The following CEP295 variants were observed in gnomAD, a reference collection of about 807,000 sequenced individuals.
The protein encoded by CEP295 is centrosomal protein 295.
In CEP295, 190 loss-of-function variants were observed where a neutral mutation model predicts 291.6. The ratio of observed to expected loss-of-function variants is 0.65; its 90% CI spans 0.58 to 0.73. The LOEUF is 0.73. CEP295 is among the 30% of genes least tolerant of loss of function. CEP295 has a pLI of 0.00. For missense variants in CEP295, 2,863 were observed against 2,949.4 expected, an observed-to-expected ratio of 0.97 and a Z score of 0.68; for synonymous variants, 993 against 1,038.8, an observed-to-expected ratio of 0.96 and a Z score of 0.85.
At chr11:93,682,976 C>A (rs1216917479) in intron 7 of CEP295, among the ~76,000 whole-genome samples, 1 of 152,174 alleles carries the variant, frequency 6.6e-6, no homozygotes, top group Non-Finnish European at 1.5e-5. Flanking sequence ...ACCAAAATTC[C>A]ATTAGATAAC....
chr11:93,683,508 A>G, intron 7 of CEP295, 51 bp from the exon 8 acceptor site: 1 of 1,316,558 alleles, frequency 7.6e-7, no homozygotes, highest in Non-Finnish European at 1.0e-6. Context: ...TGTTAATATT[A>G]CCATACAAAG....
At chr11:93,676,918 G>C (rs116605588) in intron 6 of CEP295, among the ~76,000 whole-genome samples, 1 of 151,804 alleles carries the variant, frequency 6.6e-6, no homozygotes, top group Non-Finnish European at 1.5e-5. Context: ...AAAAAAGTTC[G>C]GGACCACAAA....
At chr11:93,707,656 G>A (rs750404998) in intron 18 of CEP295, among the ~76,000 whole-genome samples, 1 of 152,016 alleles carries the variant, frequency 6.6e-6, no homozygotes, top group Non-Finnish European at 1.5e-5. Flanking sequence ...TAGGGAGGCA[G>A]GAGAATGGCG....
Position 93,698,482 on chromosome 11 carries a change from A to C in CEP295, c.3570A>C (p.Glu1190Asp). ...GAACTCAGGAATTTGTACACACAGA[A>C]AGTGAATTGGAGAAAAGAATTTCTT... ...KEGTQEFVHTESELEKRISSE... is the reference protein window; with the variant it reads ...KEGTQEFVHTDSELEKRISSE... Residue 1190 changes from glutamate (E) to aspartate (D), a missense_variant, in exon 15 of 30, where the codon GAA (glutamate) becomes GAC (aspartate). Around this residue, in one of 3 missense-constraint regions of CEP295, gnomAD observed 2,295 missense variants for 2,335.7 expected, o/e 0.98. Transcript: ENST00000325212. 2 of 1,551,980 alleles carry C rather than the reference A, an allele frequency of 1.3e-6. No homozygotes were observed. The highest frequency in any genetic ancestry group is 1.4e-5 in the African/African-American group (1 of 73,176).
At chr11:93,671,817 A>G (rs548216559) in intron 5 of CEP295, among the ~76,000 whole-genome samples, 2 of 152,290 alleles carry the variant, frequency 1.3e-5, no homozygotes, top group East Asian at 3.9e-4. Flanking sequence ...ATATAGATGC[A>G]TCTGTATCAC....
chr11:93,727,913 A>G (rs1937612420), intron 24 of CEP295: 1 of 268,560 alleles, frequency 3.7e-6, no homozygotes. Context: ...GCAGAAACTT[A>G]AAAATTTGAA....
In CEP295 at chr11:93,727,332, A is replaced by G. The variant is rs1218452314; in HGVS notation, c.6856A>G (p.Lys2286Glu). The G allele has an allele frequency of 3.2e-6, 5 of 1,551,550 alleles. No individual in the cohort carries two copies. In the Admixed American group the frequency reaches 9.8e-5, roughly 30 times the overall value. ...KESMGFEELS[K>E]RGVVTMLQSQ... ...AAGTATGGGCTTTGAAGAACTATCA[A>G]AAAGAGGGGTTGTTACAATGTTACA... Residue 2286 changes from lysine to glutamate, a missense_variant, in exon 24 of 30, where the codon AAA becomes GAA. Around this residue, in one of 3 missense-constraint regions of CEP295, gnomAD observed 2,295 missense variants for 2,335.7 expected, o/e 0.98. Coordinates refer to ENST00000325212, the MANE Select transcript of CEP295 (RefSeq NM_033395.2).
At position 93,706,752 on chromosome 11, in the gene CEP295, AG is replaced by A. The variant is rs1952536296; in HGVS notation, c.5606del (p.Gly1869ValfsTer13). 3.3e-6 allele frequency: 5 copies of A among 1,531,866 alleles called. No homozygotes were observed. In the East Asian group the frequency reaches 1.2e-4, roughly 38 times the overall value. 94.9% of individuals were successfully genotyped at this position (1,531,866 alleles called of 1,614,324 possible). A position where few individuals can be genotyped will look rare whatever the true frequency, so the allele number is the denominator to read the frequency against. ...ATATTTTTTCCCCCCCAGGTAAACC[AG>A]GTATTTATGAAGACAGAGACCCCCT... Reference protein sequence around the residue: ...IGRTSILGKPGIYEDRDPLRV... With the variant: ...IGRTSILGKPXIYEDRDPLRV... On this transcript the variant is annotated frameshift_variant, in exon 18 of 30. Transcript: ENST00000325212. LOFTEE classifies it high-confidence loss of function.
At chr11:93,729,266 C>G in intron 25 of CEP295, 168 bp from the exon 26 acceptor site, 1 of 621,468 alleles carries the variant, frequency 1.6e-6, no homozygotes. Flanking sequence ...AAAACCCAAT[C>G]CCTACAAAAA....
chr11:93,666,918 T>A (rs2134776443), intron 2 of CEP295, 103 bp downstream of exon 2: 1 of 652,250 alleles, frequency 1.5e-6, no homozygotes, highest in East Asian at 2.8e-5. Flanking sequence ...AAACCTCTTC[T>A]GGGTATACGA....
In CEP295 at chr11:93,683,608, T is replaced by A. The variant is rs1297416259; in HGVS notation, c.815T>A (p.Leu272Gln). Reference protein sequence around the residue: ...KELKQLQQEDLARRRQTVAQM... With the variant: ...KELKQLQQEDQARRRQTVAQM... ...CTCAAACAGCTACAGCAAGAGGACC[T>A]GGCACGTAGGAGACAGACTGTAGCA... Residue 272 changes from leucine to glutamine, a missense_variant, in exon 8 of 30, where the codon CTG becomes CAG. Coordinates refer to ENST00000325212, the MANE Select transcript of CEP295 (RefSeq NM_033395.2). The A allele has an allele frequency of 5.8e-6, 9 of 1,541,842 alleles. No homozygotes were observed. The highest frequency in any genetic ancestry group is 2.1e-5 in the Admixed American group (1 of 47,548).
At position 93,692,426 on chromosome 11, in the gene CEP295, A is replaced by G. The variant is rs114755268; in HGVS notation, c.1533+396A>G. 8.3e-3 allele frequency among the ~76,000 whole-genome samples: 1,265 copies of G among 152,318 alleles called. 25 individuals are homozygous for G. Among genetic ancestry groups the G allele is most frequent in the African/African-American group, 0.029 (1,202 of 41,572 alleles). On this transcript the variant is annotated intron_variant, in intron 12 of 29. Coordinates refer to ENST00000325212, the MANE Select transcript of CEP295 (RefSeq NM_033395.2). ...ATTAGACACTCAGATGGGCTTTGTAATCCCACAAGTTTTTTGAAAAATAAT... is the reference window on the plus strand; with the variant it reads ...ATTAGACACTCAGATGGGCTTTGTAGTCCCACAAGTTTTTTGAAAAATAAT...
intron 18 of CEP295, among the ~76,000 whole-genome samples, chr11:93,715,640 A>G (rs1369397839): frequency 1.3e-5 from 2 of 152,008 alleles, no homozygotes; most frequent in East Asian, 1.9e-4. Flanking sequence ...CCTAAGGCCC[A>G]TGGCATATAC....
chr11:93,727,919 T>C (rs942903703), intron 24 of CEP295: 2 of 259,200 alleles, frequency 7.7e-6, no homozygotes, highest in East Asian at 7.4e-5. Context: ...ACTTAAAAAT[T>C]TGAAAACTGT....
At chr11:93,694,934 A>G (rs561880087) in intron 12 of CEP295, among the ~76,000 whole-genome samples, 6 of 152,294 alleles carry the variant, frequency 3.9e-5, no homozygotes, top group South Asian at 2.1e-4. Flanking sequence ...AAACATGTTC[A>G]TATTACTTAG....
intron 17 of CEP295, among the ~76,000 whole-genome samples, chr11:93,705,199 T>C (rs1014139755): frequency 6.6e-6 from 1 of 152,200 alleles, no homozygotes; most frequent in Non-Finnish European, 1.5e-5. Context: ...TGGGCCGTGC[T>C]ATGCATTCTT....
chr11:93,699,678 T>A lies in CEP295; in HGVS notation c.4766T>A (p.Leu1589His). 2 of 1,551,508 alleles carry A rather than the reference T, an allele frequency of 1.3e-6. No homozygotes were observed. The highest frequency in any genetic ancestry group is 8.7e-7 in the Non-Finnish European group (1 of 1,147,014). The change falls in exon 15 of 30, where the codon CTT becomes CAT. Residue 1589 changes from leucine to histidine, a missense_variant. By Grantham distance (99) the Leu-to-His change is moderately conservative (BLOSUM62 -3). This residue lies in a region of CEP295 where 2,295 missense variants were observed against 2,335.7 expected (regional missense o/e 0.98). Coordinates refer to ENST00000325212, the MANE Select transcript of CEP295 (RefSeq NM_033395.2). ...GAGATTCCAAGATTACAGGATAGAC[T>A]TTTGAGTTTATCAAAGCCTATTCTG... ...HREIPRLQDRLLSLSKPILPQ... is the reference protein window; with the variant it reads ...HREIPRLQDRHLSLSKPILPQ...
chr11:93,684,214 C>T, intron 9 of CEP295, 86 bp downstream of exon 9: 2 of 1,154,498 alleles, frequency 1.7e-6, no homozygotes, highest in Non-Finnish European at 2.4e-6. Flanking sequence ...AAAATCTGGT[C>T]TGATATAAGT....
intron 13 of CEP295, 24 bp from the exon 14 acceptor site, chr11:93,696,296 A>G: frequency 2.7e-6 from 4 of 1,455,892 alleles, no homozygotes; most frequent in Non-Finnish European, 3.7e-6. Flanking sequence ...TTGCTTTTTA[A>G]TTAGTAACTT....
Sources: gnomAD v4.1 joint callset for allele counts (sites outside exome capture counted in the v4.1 genomes callset) on GRCh38, gnomAD v4.1.1 for gene constraint, gnomAD v4.1.1 regional missense constraint, MANE v1.5 for transcripts, NCBI Gene and HGNC (gene_info 2026-07-23, HGNC 2026-07-21) for gene names.